IL10RB: variants seen among roughly 807,000 people sequenced by gnomAD.
The protein encoded by IL10RB is interleukin 10 receptor subunit beta, also known as interleukin-10 receptor subunit beta.
In IL10RB, 30 loss-of-function variants were observed where a neutral mutation model predicts 38.7. The observed-to-expected ratio is 0.78, with a 90% CI of 0.58 to 1.05. IL10RB has a LOEUF of 1.05. Among genes scored for constraint, IL10RB ranks in the 50% least tolerant of loss-of-function variants. The probability of loss-of-function intolerance (pLI) is 0.00; values close to 1 mark genes in which losing one functional copy is unlikely to be tolerated. For synonymous variants in IL10RB, 142 were observed against 145.9 expected (o/e 0.97, Z 0.19); for missense variants, 328 against 397.1 (o/e 0.83, Z 1.48).
rs1451913330 is a variant in IL10RB at position 33,276,607 on chromosome 21, TC to T, written c.187del (p.Gln63LysfsTer5). Reference sequence around the variant, plus strand: ...TTTTGATTGTGTAGTTATAGGATATTCCAAGATAAATGCATGAATACTACCT... The same window carrying T: ...TTTTGATTGTGTAGTTATAGGATATTCAAGATAAATGCATGAATACTACCT... The part of the protein sequence containing the change: ...FTAQYLSYRI[F>X]QDKCMNTTLT... On this transcript the variant is annotated frameshift_variant, in exon 3 of 7. Transcript: ENST00000290200. LOFTEE classifies it high-confidence loss of function. The T allele has an allele frequency of 1.2e-6, 2 of 1,613,234 alleles. No individual in the cohort carries two copies. The highest frequency in any genetic ancestry group is 1.7e-6 in the Non-Finnish European group (2 of 1,179,190).
At chr21:33,267,015 C>T (rs1601825517) in intron 1 of IL10RB, among the ~76,000 whole-genome samples, 2 of 152,156 alleles carry the variant, frequency 1.3e-5, no homozygotes, top group Admixed American at 6.5e-5. Flanking sequence ...CCCCTCCTTC[C>T]GGTTCAGGCC....
rs776206390 is a variant in IL10RB, at chr21:33,283,183, T to C, written c.588T>C (p.Pro196=). 8.1e-6 allele frequency: 13 copies of C among 1,614,014 alleles called. No homozygotes were observed. The highest frequency in any genetic ancestry group is 1.3e-5 in the African/African-American group (1 of 74,912). ...TYCVQVRGFL[P]DRNKAGEWSE... Reference sequence around the variant, plus strand: ...GTGTTCAAGTTCGAGGGTTTCTTCCTGATCGGAACAAAGCTGGGGAATGGA... The same window carrying C: ...GTGTTCAAGTTCGAGGGTTTCTTCCCGATCGGAACAAAGCTGGGGAATGGA... Residue 196 remains proline (P), a synonymous_variant, in exon 5 of 7, where the codon CCT becomes CCC. Coordinates refer to ENST00000290200, the MANE Select transcript of IL10RB (RefSeq NM_000628.5).
At position 33,296,234 on chromosome 21, in the gene IL10RB, G is replaced by A; in HGVS notation, c.855G>A (p.Leu285=). 6.2e-7 allele frequency: 1 copy of A among 1,613,976 alleles called. No homozygotes were observed. The highest frequency in any genetic ancestry group is 8.5e-7 in the Non-Finnish European group (1 of 1,179,906). ...CACTTCTGTTTTTCTCCTTTCCATT[G>A]TCGGATGAGAATGATGTTTTTGACA... ...HNTLLFFSFP[L]SDENDVFDKL... Residue 285 remains leucine (L), a synonymous_variant, in exon 7 of 7, where the codon TTG becomes TTA. Coordinates refer to ENST00000290200, the MANE Select transcript of IL10RB (RefSeq NM_000628.5).
intron 2 of IL10RB, among the ~76,000 whole-genome samples, chr21:33,276,188 A>G (rs1477332318): frequency 6.6e-6 from 1 of 152,234 alleles, no homozygotes; most frequent in Non-Finnish European, 1.5e-5. Flanking sequence ...AGGTACAGTA[A>G]AAATACAGTA....
chr21:33,282,993 T>G (rs776877260), intron 4 of IL10RB, 101 bp from the exon 5 acceptor site: 17 of 980,442 alleles, frequency 1.7e-5, no homozygotes, highest in Non-Finnish European at 2.8e-5. Flanking sequence ...TCCTTCCTAT[T>G]TTAAGTCTAA....
Position 33,306,084 on chromosome 21 carries a change from G to A in IL10RB, c.130-2892G>A, listed in dbSNP as rs139439294. Among the ~76,000 whole-genome samples, 31 of 152,098 alleles carry A rather than the reference G, an allele frequency of 2.0e-4. No individual in the cohort carries two copies. In the South Asian group the frequency reaches 5.4e-3, roughly 26 times the overall value. On this transcript the variant is annotated intron_variant, in intron 1 of 1. Transcript: ENST00000609556. ...TGACCTCAAGTGATCTGCCCACCTC[G>A]TCCTCCCAAAGTGCTGGGAATACAA...
chr21:33,290,373 T>C (rs1472179951), intron 6 of IL10RB, among the ~76,000 whole-genome samples: 1 of 152,202 alleles, frequency 6.6e-6, no homozygotes, highest in Non-Finnish European at 1.5e-5. Flanking sequence ...TAGTCACTTA[T>C]ATAACCACTT....
chr21:33,274,913 C>A (rs1013975471), intron 2 of IL10RB, among the ~76,000 whole-genome samples: 2 of 152,152 alleles, frequency 1.3e-5, no homozygotes, highest in Non-Finnish European at 2.9e-5. Flanking sequence ...ATTGACTTCT[C>A]CTCTGTAACT....
At chr21:33,300,284 A>T (rs1720500776), downstream of IL10RB, among the ~76,000 whole-genome samples, 1 of 152,100 alleles carries the variant, frequency 6.6e-6, no homozygotes, top group African/African-American at 2.4e-5. Context: ...TACTAAAAAT[A>T]CAAAAAATTA....
At chr21:33,282,369 C>T (rs1649519686) in intron 4 of IL10RB, among the ~76,000 whole-genome samples, 1 of 151,672 alleles carries the variant, frequency 6.6e-6, no homozygotes, top group Non-Finnish European at 1.5e-5. Flanking sequence ...CCCGTCTCTA[C>T]AAAAATACAA....
At position 33,276,611 on chromosome 21, in the gene IL10RB, A is replaced by G. The variant is rs1989176194; in HGVS notation, c.189A>G (p.Gln63=). The G allele has an allele frequency of 1.2e-6, 2 of 1,613,418 alleles. No individual in the cohort carries two copies. The highest frequency in any genetic ancestry group is 1.3e-5 in the African/African-American group (1 of 75,030). ...TAQYLSYRIF[Q]DKCMNTTLTE... ...GATTGTGTAGTTATAGGATATTCCA[A>G]GATAAATGCATGAATACTACCTTGA... Residue 63 remains glutamine (Q), a synonymous_variant, in exon 3 of 7, where the codon CAA becomes CAG. Transcript: ENST00000290200.
downstream of IL10RB, among the ~76,000 whole-genome samples, chr21:33,299,860 C>A (rs892526419): frequency 1.3e-5 from 2 of 152,188 alleles, no homozygotes; most frequent in East Asian, 3.8e-4. Context: ...TTCTGTGTGA[C>A]CTTATGTTAT....
rs80027572 is a variant in IL10RB, at chr21:33,268,417, G to A, written c.73G>A (p.Glu25Lys). Residue 25 changes from glutamate (E) to lysine (K), a missense_variant, in exon 2 of 7, where the codon GAA becomes AAA. By Grantham distance (56) the Glu-to-Lys change is moderately conservative (BLOSUM62 1). Coordinates refer to ENST00000290200, the MANE Select transcript of IL10RB (RefSeq NM_000628.5). ...VSALGMVPPP[E>K]NVRMNSVNFK... Reference sequence around the variant, plus strand: ...AGCATTGGGAATGGTACCACCTCCCGAAAATGTCAGAATGAATTCTGTTAA... The same window carrying A: ...AGCATTGGGAATGGTACCACCTCCCAAAAATGTCAGAATGAATTCTGTTAA... 1,006 of 1,613,932 alleles carry A rather than the reference G, an allele frequency of 6.2e-4. 3 individuals are homozygous for A. In the African/African-American group the frequency reaches 9.3e-3, roughly 15 times the overall value.
Position 33,283,175 on chromosome 21 carries a change from TTTC to T in IL10RB, c.584_586del (p.Leu195del). The T allele has an allele frequency of 6.2e-7, 1 of 1,613,900 alleles. No individual in the cohort carries two copies. The highest frequency in any genetic ancestry group is 1.1e-5 in the South Asian group (1 of 91,066). On this transcript the variant is annotated inframe_deletion, in exon 5 of 7. Transcript: ENST00000290200. ...AACTTATTGTGTTCAAGTTCGAGGGTTTCTTCCTGATCGGAACAAAGCTGGGGA... is the reference window on the plus strand; with the variant it reads ...AACTTATTGTGTTCAAGTTCGAGGGTTTCCTGATCGGAACAAAGCTGGGGA...
In IL10RB at chr21:33,283,184, G is replaced by A; in HGVS notation, c.589G>A (p.Asp197Asn). The A allele has an allele frequency of 6.2e-7, 1 of 1,614,080 alleles. No individual in the cohort carries two copies. The highest frequency in any genetic ancestry group is 8.5e-7 in the Non-Finnish European group (1 of 1,179,998). Residue 197 changes from aspartate (D) to asparagine (N), a missense_variant, in exon 5 of 7, where the codon GAT (aspartate) becomes AAT (asparagine). Physicochemically the swap from Asp to Asn is conservative, Grantham distance 23. Coordinates refer to ENST00000290200, the MANE Select transcript of IL10RB (RefSeq NM_000628.5). ...TGTTCAAGTTCGAGGGTTTCTTCCTGATCGGAACAAAGCTGGGGAATGGAG... is the reference window on the plus strand; with the variant it reads ...TGTTCAAGTTCGAGGGTTTCTTCCTAATCGGAACAAAGCTGGGGAATGGAG... ...YCVQVRGFLP[D>N]RNKAGEWSEP...
intron 6 of IL10RB, among the ~76,000 whole-genome samples, chr21:33,292,152 T>C (rs1989501410): frequency 6.6e-6 from 1 of 152,166 alleles, no homozygotes; most frequent in South Asian, 2.1e-4. Context: ...CCTTCCAGTC[T>C]TCCTTCCCCA....
At chr21:33,277,864 G>C (rs1022966054) in intron 3 of IL10RB, among the ~76,000 whole-genome samples, 53 of 149,446 alleles carry the variant, frequency 3.5e-4, no homozygotes, top group African/African-American at 1.1e-3. Flanking sequence ...GTAGAGACGG[G>C]GTCTCACCAT....
downstream of IL10RB, among the ~76,000 whole-genome samples, chr21:33,300,373 G>A (rs2082982670): frequency 3.3e-5 from 5 of 151,596 alleles, no homozygotes; most frequent in Admixed American, 1.3e-4. Flanking sequence ...CCCGGGAGGC[G>A]GAGGTTGCAG....
intron 2 of IL10RB, among the ~76,000 whole-genome samples, chr21:33,274,763 A>T (rs1159465027): frequency 6.6e-6 from 1 of 152,248 alleles, no homozygotes; most frequent in Non-Finnish European, 1.5e-5. Context: ...TGTAGAGCAC[A>T]GGCAGAGTAG....
Sources: allele counts gnomAD v4.1 joint callset (sites outside exome capture counted in the v4.1 genomes callset), GRCh38; gene constraint gnomAD v4.1.1; transcripts MANE v1.5; gene names NCBI Gene and HGNC (gene_info 2026-07-23, HGNC 2026-07-21).